Variants in ZC3H7B observed in about 807,000 individuals in gnomAD.
ZC3H7B encodes the protein zinc finger CCCH-type containing 7B, also known as zinc finger CCCH domain-containing protein 7B.
ZC3H7B carries 35 observed loss-of-function variants against 116.0 expected under a neutral mutation model. The observed-to-expected ratio is 0.30, with a 90% confidence interval of 0.23 to 0.40. The LOEUF (loss-of-function observed/expected upper bound fraction) is 0.40. Among genes scored for constraint, ZC3H7B ranks in the 10% least tolerant of loss-of-function variants. ZC3H7B has a pLI of 1.00. For missense variants in ZC3H7B, 1,011 were observed against 1,321.5 expected (o/e 0.77, Z 3.64); for synonymous variants, 502 against 545.6 (o/e 0.92, Z 1.11).
chr22:41,358,192 G>T lies in ZC3H7B; in HGVS notation c.*763G>T, dbSNP rs2036745966. The stretch of plus-strand genomic sequence containing the variant: ...GGTCCACCCACGGTCCCAGCACAAG[G>T]CAGAGCTGGGATGAAAACAGGGCTG... On this transcript the variant is annotated 3_prime_UTR_variant, in exon 23 of 23. Transcript: ENST00000352645. 6.6e-6 allele frequency: 1 copy of T among 152,328 alleles called. No homozygotes were observed. The highest frequency in any genetic ancestry group is 2.4e-5 in the African/African-American group (1 of 41,428). 9.4% of individuals were successfully genotyped at this position (152,328 alleles called of 1,614,324 possible).
In ZC3H7B at chr22:41,357,069, G is replaced by A; in HGVS notation, c.2682-108G>A. 6.6e-7 allele frequency: 1 copy of A among 1,517,406 alleles called. No homozygotes were observed. Among genetic ancestry groups the A allele is most frequent in the Non-Finnish European group, 8.8e-7 (1 of 1,133,738 alleles). 94.0% of individuals were successfully genotyped at this position (1,517,406 alleles called of 1,614,324 possible). A position where few individuals can be genotyped will look rare whatever the true frequency, so the allele number is the denominator to read the frequency against. On this transcript the variant is annotated intron_variant, in intron 22 of 22. Coordinates refer to ENST00000352645, the MANE Select transcript of ZC3H7B (RefSeq NM_017590.6). The surrounding 1 kb of genome is among the most constrained non-coding windows in gnomAD (Gnocchi z 5.4). ...GTTTTCCCTGAGCTGGGACCCAGCT[G>A]CCCAGGGAGAGGCTTGTCTTCGGGG...
At chr22:41,334,841 G>A (rs1045146798) in intron 7 of ZC3H7B, 2 of 152,246 alleles carry the variant, frequency 1.3e-5, no homozygotes, top group African/African-American at 2.4e-5. Context: ...CTGGAAGTGG[G>A]GATGGACCAG....
intron 1 of ZC3H7B, among the ~76,000 whole-genome samples, chr22:41,304,445 A>G (rs1303027656): frequency 6.6e-6 from 1 of 152,148 alleles, no homozygotes; most frequent in Non-Finnish European, 1.5e-5. Context: ...CCTGTCTGCA[A>G]GTTACTTTTC....
At position 41,356,742 on chromosome 22, in the gene ZC3H7B, C is replaced by T. The variant is rs375561032; in HGVS notation, c.2615C>T (p.Thr872Met). ...QSEKHKEKVF[T>M]SDSDASGWAF... is the part of the protein sequence containing the mutation. The stretch of plus-strand genomic sequence containing the variant: ...GAGAAGCACAAGGAGAAGGTCTTCA[C>T]GTCCGACAGTGACGCCAGCGGCTGG... Residue 872 changes from threonine (T) to methionine (M), a missense_variant, in exon 22 of 23, where the codon ACG (threonine) becomes ATG (methionine). Physicochemically the swap from Thr to Met is moderately conservative, Grantham distance 81 (BLOSUM62 -1). Around this residue, in one of 5 missense-constraint regions of ZC3H7B, gnomAD observed 406 missense variants for 590.2 expected, o/e 0.69. Transcript: ENST00000352645. 8.7e-6 allele frequency: 14 copies of T among 1,613,554 alleles called. No homozygotes were observed. Among genetic ancestry groups the T allele is most frequent in the Non-Finnish European group, 1.1e-5 (13 of 1,180,014 alleles).
intron 10 of ZC3H7B, 103 bp downstream of exon 10, chr22:41,340,240 C>T (rs2036504250): frequency 1.9e-5 from 23 of 1,217,754 alleles, no homozygotes; most frequent in Non-Finnish European, 2.6e-5. Context: ...ATCTGTTTGT[C>T]CCCATCACTC....
chr22:41,357,237 G>A lies in ZC3H7B; in HGVS notation c.2742G>A (p.Glu914=). The change falls in exon 23 of 23, where the codon GAG becomes GAA. Residue 914 remains glutamate (E), a synonymous_variant. Transcript: ENST00000352645. The surrounding 1 kb of genome is among the most constrained non-coding windows in gnomAD (Gnocchi z 5.4). ...GDKCRCAHGQ[E]ELNEWLDRRE... is the part of the protein sequence containing the mutation. The stretch of plus-strand genomic sequence containing the variant: ...AGTGCCGCTGCGCCCATGGACAGGA[G>A]GAGCTCAACGAGTGGCTGGACCGGC... The A allele has an allele frequency of 6.2e-7, 1 of 1,613,822 alleles. No individual in the cohort carries two copies.
chr22:41,303,852 G>A lies in ZC3H7B; in HGVS notation c.-7+2080G>A, dbSNP rs1486784322. 3.9e-5 allele frequency among the ~76,000 whole-genome samples: 6 copies of A among 152,118 alleles called. No individual in the cohort carries two copies. In the South Asian group the frequency reaches 1.0e-3, roughly 26 times the overall value. On this transcript the variant is annotated intron_variant, in intron 1 of 22. Transcript: ENST00000352645. ...GGCTCACTGCAAGCTCCGCCTCCCG[G>A]GTTCACGCCATTCTCCTGCCTCAGC... is the stretch of plus-strand genomic sequence containing the variant.
intron 1 of ZC3H7B, among the ~76,000 whole-genome samples, chr22:41,311,822 G>A (rs1022645855): frequency 1.3e-5 from 2 of 152,012 alleles, no homozygotes; most frequent in African/African-American, 2.4e-5. Context: ...AGAATAAGAC[G>A]AGCCCCCAAC....
At chr22:41,339,693 A>C (rs1601785695) in intron 9 of ZC3H7B, 123 bp from the exon 10 acceptor site, 2 of 857,678 alleles carry the variant, frequency 2.3e-6, no homozygotes, top group Admixed American at 5.1e-5. Context: ...CCCTGCTCCC[A>C]CATGGGACAG....
At chr22:41,319,261 C>T (rs1230036736) in intron 1 of ZC3H7B, among the ~76,000 whole-genome samples, 1 of 152,138 alleles carries the variant, frequency 6.6e-6, no homozygotes, top group East Asian at 1.9e-4. Context: ...ATTAGCTAGG[C>T]ATGGTGGCAC....
chr22:41,349,329 G>T lies in ZC3H7B; in HGVS notation c.1948+28G>T. ...GAGGGGCAGGCGGTGCAGGTGGAGGGCAGGTGACTCAGGTGAGGGGTAGGC... is the reference window on the plus strand; with the variant it reads ...GAGGGGCAGGCGGTGCAGGTGGAGGTCAGGTGACTCAGGTGAGGGGTAGGC... On this transcript the variant is annotated intron_variant, in intron 16 of 22. Transcript: ENST00000352645. This position sits in a 1 kb window ranked among gnomAD's most constrained non-coding sequence, Gnocchi z 4.9. 2 of 1,608,934 alleles carry T rather than the reference G, an allele frequency of 1.2e-6. No individual in the cohort carries two copies. Among genetic ancestry groups the T allele is most frequent in the East Asian group, 2.2e-5 (1 of 44,760 alleles).
At position 41,357,778 on chromosome 22, in the gene ZC3H7B, C is replaced by A; in HGVS notation, c.*349C>A. ...GGGCCCAAAGCTCAGGGCTGGGGAG[C>A]CTGGGGTCCCCACTTGAATCTCCAG... On this transcript the variant is annotated 3_prime_UTR_variant, in exon 23 of 23. Coordinates refer to ENST00000352645, the MANE Select transcript of ZC3H7B (RefSeq NM_017590.6). The surrounding 1 kb of genome is among the most constrained non-coding windows in gnomAD (Gnocchi z 5.4). 3.2e-6 allele frequency: 1 copy of A among 311,070 alleles called. No homozygotes were observed. Among genetic ancestry groups the A allele is most frequent in the Non-Finnish European group, 6.1e-6 (1 of 164,390 alleles). The allele number at this position is 311,070 out of a possible 1,614,324, so 19.3% of individuals were successfully genotyped here.
At chr22:41,303,785 T>C (rs1337327978) in intron 1 of ZC3H7B, among the ~76,000 whole-genome samples, 1 of 152,204 alleles carries the variant, frequency 6.6e-6, no homozygotes, top group Non-Finnish European at 1.5e-5. Flanking sequence ...TGAGACGGAG[T>C]CTCGCTCTGT....
chr22:41,319,953 C>T (rs1024845360), intron 1 of ZC3H7B, among the ~76,000 whole-genome samples: 13 of 151,776 alleles, frequency 8.6e-5, no homozygotes, highest in Admixed American at 5.9e-4. Context: ...ATCGCTTGAA[C>T]CCAGGAGGTG....
chr22:41,318,461 G>A (rs761302469), intron 1 of ZC3H7B, among the ~76,000 whole-genome samples: 11 of 149,496 alleles, frequency 7.4e-5, no homozygotes, highest in East Asian at 1.9e-4. Context: ...CCTGGGAGGC[G>A]GAGCGTGCAG....
intron 13 of ZC3H7B, among the ~76,000 whole-genome samples, 187 bp downstream of exon 13, chr22:41,343,763 T>C (rs1458767750): frequency 6.6e-6 from 1 of 152,216 alleles, no homozygotes; most frequent in Non-Finnish European, 1.5e-5. Context: ...ATGAGCGTCT[T>C]CTTCCCTTAG....
At position 41,355,808 on chromosome 22, in the gene ZC3H7B, A is replaced by G. The variant is rs1261237396; in HGVS notation, c.2220A>G (p.Lys740=). The change falls in exon 19 of 23, where the codon AAA becomes AAG. Residue 740 remains lysine (K), a synonymous_variant. Transcript: ENST00000352645. ...VLLVMSKAKR[K]WVSVRPLPSI... is the part of the protein sequence containing the mutation. ...TGGTGATGTCCAAGGCCAAGAGGAA[A>G]TGGGTGTCAGTGAGGCCACTGCCAT... is the stretch of plus-strand genomic sequence containing the variant. The G allele has an allele frequency of 1.2e-6, 2 of 1,613,564 alleles. No individual in the cohort carries two copies. Among genetic ancestry groups the G allele is most frequent in the Non-Finnish European group, 1.7e-6 (2 of 1,179,994 alleles).
At chr22:41,310,999 T>A (rs1440213840) in intron 1 of ZC3H7B, among the ~76,000 whole-genome samples, 1 of 151,566 alleles carries the variant, frequency 6.6e-6, no homozygotes, top group Non-Finnish European at 1.5e-5. Context: ...TCTCCTGACC[T>A]CGTGATCTGC....
At position 41,351,454 on chromosome 22, in the gene ZC3H7B, G is replaced by T; in HGVS notation, c.1949-107G>T. On this transcript the variant is annotated intron_variant, in intron 16 of 22. Transcript: ENST00000352645. This position sits in a 1 kb window ranked among gnomAD's most constrained non-coding sequence, Gnocchi z 5.1. Reference sequence around the variant, plus strand: ...CTTACTGTGGCTGGGCTGAGAATAGGGCTCCTCCAGCTGGGCCTCGGGGGT... The same window carrying T: ...CTTACTGTGGCTGGGCTGAGAATAGTGCTCCTCCAGCTGGGCCTCGGGGGT... 1 of 920,542 alleles carries T rather than the reference G, an allele frequency of 1.1e-6. No homozygotes were observed. The highest frequency in any genetic ancestry group is 1.6e-6 in the Non-Finnish European group (1 of 606,780). 57.0% of individuals were successfully genotyped at this position (920,542 alleles called of 1,614,324 possible).
Sources: allele counts gnomAD v4.1 joint callset (sites outside exome capture counted in the v4.1 genomes callset), GRCh38; gene constraint gnomAD v4.1.1; regional missense constraint gnomAD v4.1.1; non-coding constraint Gnocchi (gnomAD v3.1); transcripts MANE v1.5; gene names NCBI Gene and HGNC (gene_info 2026-07-23, HGNC 2026-07-21).